NTN1: variants seen among roughly 807,000 people sequenced by gnomAD.
NTN1 encodes netrin-1.
In NTN1, 11 loss-of-function variants were observed where a neutral mutation model predicts 54.2. The ratio of observed to expected loss-of-function variants is 0.20; its 90% CI spans 0.13 to 0.34. The LOEUF is 0.34. Among genes scored for constraint, NTN1 ranks in the 10% least tolerant of loss-of-function variants. NTN1 has a pLI of 1.00. For missense variants in NTN1, 740 were observed against 893.1 expected, an observed-to-expected ratio of 0.83 and a Z score of 2.18; for synonymous variants, 371 against 382.0, an observed-to-expected ratio of 0.97 and a Z score of 0.33.
chr17:9,228,443 C>T (rs1905674471), intron 6 of NTN1, among the ~76,000 whole-genome samples: 1 of 152,138 alleles, frequency 6.6e-6, no homozygotes, highest in Non-Finnish European at 1.5e-5. Flanking sequence ...CACTCTGACC[C>T]CTCCAGCTCA....
At chr17:9,149,458 C>A (rs1378161493) in intron 2 of NTN1, among the ~76,000 whole-genome samples, 2 of 152,172 alleles carry the variant, frequency 1.3e-5, no homozygotes, top group Non-Finnish European at 2.9e-5. Context: ...TATCAGGCTT[C>A]TTTCTGCCTG....
chr17:9,112,000 G>T (rs2092193051), intron 2 of NTN1, among the ~76,000 whole-genome samples: 1 of 152,190 alleles, frequency 6.6e-6, no homozygotes, highest in South Asian at 2.1e-4. Flanking sequence ...GTGGTCAACG[G>T]CCATTGTGGA....
chr17:9,142,616 G>A (rs1246575670), intron 2 of NTN1, among the ~76,000 whole-genome samples: 1 of 152,118 alleles, frequency 6.6e-6, no homozygotes. Context: ...GGAGGTGGGT[G>A]AAAGTGACAC....
chr17:9,122,199 A>G (rs561328584), intron 2 of NTN1, among the ~76,000 whole-genome samples: 55 of 151,860 alleles, frequency 3.6e-4, no homozygotes, highest in Non-Finnish European at 6.9e-4. Flanking sequence ...CACCACACCC[A>G]GCTAATTTTT....
intron 6 of NTN1, among the ~76,000 whole-genome samples, chr17:9,228,560 A>G (rs1038078239): frequency 6.6e-6 from 1 of 152,164 alleles, no homozygotes; most frequent in South Asian, 2.1e-4. Flanking sequence ...AGAGGGGGAG[A>G]CAGAGAGCTC....
chr17:9,234,864 A>C (rs765178277), intron 6 of NTN1, among the ~76,000 whole-genome samples: 2 of 151,772 alleles, frequency 1.3e-5, no homozygotes, highest in Admixed American at 6.6e-5. Context: ...CCTTGTGTCC[A>C]CTTCAGAGAA....
the NTN1 span, among the ~76,000 whole-genome samples, chr17:9,012,544 A>AAG: frequency 6.6e-6 from 1 of 151,382 alleles, no homozygotes; most frequent in East Asian, 1.9e-4. Flanking sequence ...AACAAAAAAA[A>AAG]AAAAACAAGC....
chr17:9,039,856 G>T (rs946377208), intron 2 of NTN1, among the ~76,000 whole-genome samples: 5 of 152,110 alleles, frequency 3.3e-5, no homozygotes, highest in African/African-American at 1.2e-4. Flanking sequence ...GGTATTCATT[G>T]TATTGCTATA....
intron 5 of NTN1, among the ~76,000 whole-genome samples, chr17:9,187,698 A>ATGC (rs1192245168): frequency 1.4e-5 from 2 of 146,872 alleles, no homozygotes; most frequent in African/African-American, 5.0e-5. Context: ...AGGCATGGTG[A>ATGC]TGCACACCTG....
intron 4 of NTN1, among the ~76,000 whole-genome samples, chr17:9,181,215 C>T (rs1379067820): frequency 6.6e-6 from 1 of 152,136 alleles, no homozygotes; most frequent in Non-Finnish European, 1.5e-5. Context: ...CCTTGGACAA[C>T]CTGGGGCTCC....
At chr17:9,089,395 G>A (rs1172769358) in intron 2 of NTN1, among the ~76,000 whole-genome samples, 2 of 142,920 alleles carry the variant, frequency 1.4e-5, no homozygotes, top group Non-Finnish European at 1.5e-5. Flanking sequence ...AGCCTGGGCG[G>A]CAGAGCAAGA....
intron 5 of NTN1, among the ~76,000 whole-genome samples, chr17:9,198,354 C>T (rs1342722575): frequency 6.6e-6 from 1 of 152,182 alleles, no homozygotes; most frequent in African/African-American, 2.4e-5. Flanking sequence ...GGCAAGGGCA[C>T]CTATAACCTC....
chr17:9,162,381 G>A lies in NTN1; in HGVS notation c.1019-432G>A, dbSNP rs926518317. ...TTGGTTGCTCTGGAGGCCCTTCTGC[G>A]TGGCTTGCAGATGGCCGCCCTCTGG... On this transcript the variant is annotated intron_variant, in intron 2 of 6. Coordinates refer to ENST00000173229, the MANE Select transcript of NTN1 (RefSeq NM_004822.3). Among the ~76,000 whole-genome samples the A allele has an allele frequency of 3.9e-5, 6 of 152,320 alleles. 1 individual carries two copies. The highest frequency in any genetic ancestry group is 1.9e-4 in the East Asian group (1 of 5,182).
At chr17:9,053,080 C>G (rs75357705) in intron 2 of NTN1, among the ~76,000 whole-genome samples, 1,532 of 152,360 alleles carry the variant, frequency 0.01, 27 homozygotes, top group African/African-American at 0.032. Flanking sequence ...GCCCGTGGGC[C>G]AAATTCTGTC....
chr17:9,054,981 G>T (rs1358067071), intron 2 of NTN1, among the ~76,000 whole-genome samples: 1 of 152,184 alleles, frequency 6.6e-6, no homozygotes, highest in Non-Finnish European at 1.5e-5. Flanking sequence ...TCTGCGTTAT[G>T]AAAAAGAGGA....
At chr17:9,227,353 ACT>A (rs897383790) in intron 6 of NTN1, among the ~76,000 whole-genome samples, 8 of 148,982 alleles carry the variant, frequency 5.4e-5, no homozygotes, top group Admixed American at 2.0e-4. Context: ...TATCAGTCAC[ACT>A]CACATCATAC....
At chr17:9,226,061 G>T in intron 6 of NTN1, among the ~76,000 whole-genome samples, 1 of 151,646 alleles carries the variant, frequency 6.6e-6, no homozygotes, top group East Asian at 2.0e-4. Context: ...GGCTCGGGGC[G>T]CCGGCCCTGT....
chr17:9,186,775 C>T (rs141806874), intron 5 of NTN1, among the ~76,000 whole-genome samples: 25 of 152,236 alleles, frequency 1.6e-4, no homozygotes, highest in Admixed American at 1.0e-3. Flanking sequence ...CACTTTTTCA[C>T]GGAAGGAAGT....
At chr17:9,192,244 A>G (rs972040472) in intron 5 of NTN1, among the ~76,000 whole-genome samples, 1 of 152,248 alleles carries the variant, frequency 6.6e-6, no homozygotes, top group Admixed American at 6.5e-5. Flanking sequence ...AGCATTGCTT[A>G]TAATAACAAA....
Sources: allele counts gnomAD v4.1 joint callset (sites outside exome capture counted in the v4.1 genomes callset), GRCh38; gene constraint gnomAD v4.1.1; transcripts MANE v1.5; gene names NCBI Gene and HGNC (gene_info 2026-07-23, HGNC 2026-07-21).